PDE3B: variants seen among roughly 807,000 people sequenced by gnomAD.
The protein encoded by PDE3B is phosphodiesterase 3B.
A neutral mutation model predicts 116.8 loss-of-function variants in PDE3B; 66 were observed. The ratio of observed to expected loss-of-function variants is 0.56; its 90% CI spans 0.46 to 0.69. The LOEUF (loss-of-function observed/expected upper bound fraction) is 0.69, where lower values mean the gene tolerates loss of function less well. Among genes scored for constraint, PDE3B ranks in the 30% least tolerant of loss-of-function variants. PDE3B has a pLI of 0.00. For missense variants in PDE3B, 1,384 were observed against 1,368.1 expected, an observed-to-expected ratio of 1.01 and a Z score of -0.18; for synonymous variants, 595 against 533.6, an observed-to-expected ratio of 1.12 and a Z score of -1.59.
intron 12 of PDE3B, among the ~76,000 whole-genome samples, chr11:14,857,942 TTC>T (rs1162105942): frequency 2.0e-5 from 3 of 152,004 alleles, no homozygotes; most frequent in Non-Finnish European, 2.9e-5. Context: ...AGCTTACTCT[TTC>T]TGTTTGGTAT....
chr11:14,888,755 T>C, the PDE3B span, among the ~76,000 whole-genome samples: 2 of 152,198 alleles, frequency 1.3e-5, no homozygotes, highest in South Asian at 4.1e-4. Flanking sequence ...TTACACAGAA[T>C]CTCATTCAGT....
chr11:14,884,680 A>G, the PDE3B span, among the ~76,000 whole-genome samples: 1 of 152,074 alleles, frequency 6.6e-6, no homozygotes, highest in Non-Finnish European at 1.5e-5. Context: ...TTAAAGTATA[A>G]TAATAATTTA....
intron 12 of PDE3B, 22 bp downstream of exon 12, chr11:14,844,048 C>T: frequency 6.4e-7 from 1 of 1,569,570 alleles, no homozygotes; most frequent in Non-Finnish European, 8.8e-7. Context: ...TTTTAAGAAC[C>T]TTTAAAGAGT....
intron 1 of PDE3B, among the ~76,000 whole-genome samples, chr11:14,704,401 A>G (rs758016513): frequency 3.3e-5 from 5 of 151,812 alleles, no homozygotes; most frequent in Admixed American, 1.3e-4. Flanking sequence ...TACAAATCTC[A>G]ACTGTCTTTT....
chr11:14,864,806 A>G (rs782296691), intron 14 of PDE3B, among the ~76,000 whole-genome samples: 1 of 152,114 alleles, frequency 6.6e-6, no homozygotes, highest in Non-Finnish European at 1.5e-5. Context: ...AATAGACACA[A>G]TGTACCAGAA....
chr11:14,768,239 T>A (rs189979451), intron 1 of PDE3B, among the ~76,000 whole-genome samples: 1 of 151,680 alleles, frequency 6.6e-6, no homozygotes, highest in Admixed American at 6.6e-5. Context: ...TTATGAAATA[T>A]GTGTAAAGTA....
intron 1 of PDE3B, among the ~76,000 whole-genome samples, chr11:14,766,292 A>G (rs1857492933): frequency 6.6e-6 from 1 of 151,550 alleles, no homozygotes; most frequent in African/African-American, 2.4e-5. Flanking sequence ...AACCAAAATT[A>G]TAATTTATGA....
intron 11 of PDE3B, among the ~76,000 whole-genome samples, chr11:14,839,739 G>A (rs574139813): frequency 6.6e-6 from 1 of 152,234 alleles, no homozygotes; most frequent in South Asian, 2.1e-4. Context: ...TTATAATCTA[G>A]TCTGTTCCCG....
chr11:14,764,643 G>A (rs1361566540), intron 1 of PDE3B, among the ~76,000 whole-genome samples: 1 of 152,010 alleles, frequency 6.6e-6, no homozygotes, highest in African/African-American at 2.4e-5. Flanking sequence ...CTAATCATGA[G>A]ATTTTGGGAA....
chr11:14,684,914 G>GT (rs910869506), intron 1 of PDE3B, among the ~76,000 whole-genome samples: 2 of 149,670 alleles, frequency 1.3e-5, no homozygotes, highest in African/African-American at 2.5e-5. Context: ...CTGTTACTCT[G>GT]TTTTTTTTTC....
intron 1 of PDE3B, among the ~76,000 whole-genome samples, chr11:14,704,001 A>G (rs1050100357): frequency 6.6e-6 from 1 of 151,602 alleles, no homozygotes; most frequent in African/African-American, 2.4e-5. Context: ...AAAATTTTCT[A>G]AGTTTTTTCT....
At chr11:14,891,504 T>C in the PDE3B span, 2 of 994,672 alleles carry the variant, frequency 2.0e-6, no homozygotes, top group Non-Finnish European at 2.4e-6. Context: ...ACACCAGTCG[T>C]TCGTCGACTG....
intron 1 of PDE3B, among the ~76,000 whole-genome samples, chr11:14,716,398 C>G (rs1255176356): frequency 1.3e-5 from 2 of 151,510 alleles, no homozygotes; most frequent in Non-Finnish European, 1.5e-5. Context: ...CCAGGAAGCT[C>G]GAACTGGGTG....
intron 5 of PDE3B, among the ~76,000 whole-genome samples, chr11:14,815,359 C>T (rs1005755268): frequency 6.6e-6 from 1 of 152,128 alleles, no homozygotes; most frequent in Non-Finnish European, 1.5e-5. Flanking sequence ...AAGATGTTGG[C>T]TCTACCTTGT....
chr11:14,699,695 T>C (rs1421820198), intron 1 of PDE3B, among the ~76,000 whole-genome samples: 1 of 151,864 alleles, frequency 6.6e-6, no homozygotes, highest in African/African-American at 2.4e-5. Flanking sequence ...ATTTGCTTAA[T>C]ATGAAAAACC....
chr11:14,866,160 A>G (rs1188920217), intron 14 of PDE3B, among the ~76,000 whole-genome samples: 5 of 152,212 alleles, frequency 3.3e-5, no homozygotes, highest in South Asian at 2.1e-4. Context: ...TTTCTGATAC[A>G]TAAGTGCTCA....
At chr11:14,689,025 G>A (rs1345371614) in intron 1 of PDE3B, among the ~76,000 whole-genome samples, 1 of 152,074 alleles carries the variant, frequency 6.6e-6, no homozygotes, top group Non-Finnish European at 1.5e-5. Context: ...CACCATCCTC[G>A]GCCTCCCAAA....
intron 1 of PDE3B, among the ~76,000 whole-genome samples, chr11:14,763,193 T>A (rs1857408527): frequency 1.3e-5 from 2 of 152,030 alleles, no homozygotes; most frequent in Non-Finnish European, 2.9e-5. Flanking sequence ...TAGAAAGAAA[T>A]CTGGAGAATG....
At chr11:14,686,938 C>T (rs1252893862) in intron 1 of PDE3B, among the ~76,000 whole-genome samples, 3 of 152,148 alleles carry the variant, frequency 2.0e-5, no homozygotes, top group African/African-American at 7.2e-5. Context: ...TGGTCTGGAT[C>T]TCCTGACCTT....
Sources: gnomAD v4.1 joint callset for allele counts (sites outside exome capture counted in the v4.1 genomes callset) on GRCh38, gnomAD v4.1.1 for gene constraint, MANE v1.5 for transcripts, NCBI Gene and HGNC (gene_info 2026-07-23, HGNC 2026-07-21) for gene names.